COQ4: variants seen among roughly 807,000 people sequenced by gnomAD.
The protein encoded by COQ4 is coenzyme Q4.
COQ4 carries 36 observed loss-of-function variants against 30.2 expected under a neutral mutation model. The ratio of observed to expected loss-of-function variants is 1.19; its 90% CI spans 0.91 to 1.57. COQ4 has a LOEUF of 1.57. COQ4 is among the 40% of genes most tolerant of loss of function. The pLI is 0.00. For missense variants in COQ4, 369 were observed against 371.9 expected (o/e 0.99, Z 0.07); for synonymous variants, 197 against 161.0 (o/e 1.22, Z -1.69).
intron 5 of COQ4, 61 bp from the exon 6 acceptor site, chr9:128,332,789 A>G: frequency 8.2e-7 from 1 of 1,218,160 alleles, no homozygotes; most frequent in East Asian, 2.3e-5. Context: ...CCCTGCTGTG[A>G]GCACCACTGG....
At chr9:128,331,719 A>AT (rs1369906047) in intron 4 of COQ4, 33 of 152,180 alleles carry the variant, frequency 2.2e-4, no homozygotes, top group African/African-American at 6.7e-4. Flanking sequence ...TAATTTTTGT[A>AT]TTTTTTTTGT....
At chr9:128,323,309 G>C (rs2131462393) in intron 2 of COQ4, 162 bp downstream of exon 2, 1 of 667,078 alleles carries the variant, frequency 1.5e-6, no homozygotes. Context: ...TAAACGCACT[G>C]AATCTGAATC....
At chr9:128,323,453 A>G (rs1832253033) in intron 2 of COQ4, 6 of 479,344 alleles carry the variant, frequency 1.3e-5, no homozygotes. Context: ...ATCAGTTTAT[A>G]ATATCCTACT....
chr9:128,323,258 A>G (rs1000315946), intron 2 of COQ4, 111 bp downstream of exon 2: 3 of 1,059,100 alleles, frequency 2.8e-6, no homozygotes, highest in Non-Finnish European at 2.6e-6. Flanking sequence ...GCTCGTAACC[A>G]CTCGGAACGT....
intron 2 of COQ4, 93 bp from the exon 3 acceptor site, chr9:128,325,050 C>T (rs1832293858): frequency 1.2e-6 from 1 of 832,948 alleles, no homozygotes; most frequent in Non-Finnish European, 2.0e-6. Flanking sequence ...GACATCATCC[C>T]TAATTTATCC....
At chr9:128,323,306 ACTGAAT>A (rs1321342554) in intron 2 of COQ4, 159 bp downstream of exon 2, 7 of 726,552 alleles carry the variant, frequency 9.6e-6, no homozygotes, top group East Asian at 3.0e-5. Context: ...ACCTAAACGC[ACTGAAT>A]CTGAATCTGA....
chr9:128,323,279 G>A (rs889190775), intron 2 of COQ4, 132 bp downstream of exon 2: 12 of 896,552 alleles, frequency 1.3e-5, no homozygotes, highest in Non-Finnish European at 1.9e-5. Flanking sequence ...TTATGAAAAT[G>A]CAGATTCCTG....
intron 4 of COQ4, among the ~76,000 whole-genome samples, chr9:128,329,519 G>A (rs1263974586): frequency 5.3e-5 from 8 of 152,084 alleles, no homozygotes; most frequent in South Asian, 4.2e-4. Flanking sequence ...ACAGGCGCAC[G>A]CCACCAGGCC....
chr9:128,322,896 G>A lies in COQ4; in HGVS notation c.38G>A (p.Cys13Tyr). Residue 13 changes from cysteine to tyrosine, a missense_variant, in exon 1 of 7, where the codon TGC becomes TAC. Physicochemically the swap from Cys to Tyr is radical, Grantham distance 194 (BLOSUM62 -2). Coordinates refer to ENST00000300452, the MANE Select transcript of COQ4 (RefSeq NM_016035.5). ...TLLRPVLRRL[C>Y]GLPGLQRPAA... ...CTGCGCCCTGTCCTCCGTCGGCTCT[G>A]CGGGCTCCCGGGCCTACAGCGGCCT... The A allele has an allele frequency of 1.9e-6, 3 of 1,593,310 alleles. No individual in the cohort carries two copies. The highest frequency in any genetic ancestry group is 2.3e-5 in the East Asian group (1 of 44,180).
intron 2 of COQ4, chr9:128,323,604 GTT>G (rs1220855057): frequency 3.2e-5 from 12 of 372,172 alleles, no homozygotes. Context: ...GTTCTACAGT[GTT>G]TTTCTTATGC....
At chr9:128,332,672 T>C in intron 5 of COQ4, 178 bp from the exon 6 acceptor site, 1 of 630,462 alleles carries the variant, frequency 1.6e-6, no homozygotes, top group Non-Finnish European at 2.9e-6. Flanking sequence ...CTGTTCACTC[T>C]TGGGCTCTCT....
chr9:128,325,522 C>T (rs1045964723), intron 3 of COQ4, among the ~76,000 whole-genome samples: 1 of 152,132 alleles, frequency 6.6e-6, no homozygotes, highest in Non-Finnish European at 1.5e-5. Context: ...TTACCCCTCC[C>T]TTGCAGTACC....
At chr9:128,327,982 G>T (rs1832349348) in intron 4 of COQ4, among the ~76,000 whole-genome samples, 1 of 152,242 alleles carries the variant, frequency 6.6e-6, no homozygotes, top group Non-Finnish European at 1.5e-5. Flanking sequence ...GGTGGTCAGG[G>T]CCGGCTCCTC....
intron 2 of COQ4, chr9:128,323,681 TTATAGTGGCTCACGCC>T: frequency 4.3e-6 from 1 of 232,436 alleles, no homozygotes. Context: ...CTAGGCGCTA[TTATAGTGGCTCACGCC>T]TATAATCCCT....
Position 128,322,916 on chromosome 9 carries a change from C to T in COQ4, c.58C>T (p.Arg20Trp). 1.3e-6 allele frequency: 2 copies of T among 1,599,184 alleles called. No individual in the cohort carries two copies. The highest frequency in any genetic ancestry group is 1.7e-6 in the Non-Finnish European group (2 of 1,177,124). Residue 20 changes from arginine (R) to tryptophan (W), a missense_variant, in exon 1 of 7, where the codon CGG (arginine) becomes TGG (tryptophan). Arg to Trp is a moderately radical substitution (Grantham distance 101). Coordinates refer to ENST00000300452, the MANE Select transcript of COQ4 (RefSeq NM_016035.5). ...GCTCTGCGGGCTCCCGGGCCTACAG[C>T]GGCCTGCGGCAGGCAAGTGGCGCCG... ...RRLCGLPGLQ[R>W]PAAEMPLRAR...
intron 4 of COQ4, 122 bp downstream of exon 4, chr9:128,326,003 C>G: frequency 1.2e-6 from 1 of 861,054 alleles, no homozygotes; most frequent in Admixed American, 2.1e-5. Context: ...GCTCTTCAGG[C>G]TCATGCCAAG....
In COQ4 at chr9:128,329,141, T is replaced by A. The variant is rs533672713; in HGVS notation, c.403-3012T>A. 2.0e-5 allele frequency among the ~76,000 whole-genome samples: 3 copies of A among 152,286 alleles called. No individual in the cohort carries two copies. The South Asian group carries it at 6.2e-4, about 32-fold the overall frequency. ...AGCCTGAGTGAGAATCCTGGCTCTC[T>A]TCCCAGCTTTACAAGCCTGGACAAA... On this transcript the variant is annotated intron_variant, in intron 4 of 6. Transcript: ENST00000300452.
chr9:128,327,795 CTG>C (rs1480313916), intron 4 of COQ4, among the ~76,000 whole-genome samples: 2 of 152,176 alleles, frequency 1.3e-5, no homozygotes, highest in Non-Finnish European at 2.9e-5. Flanking sequence ...GAGCAAGACT[CTG>C]TCTCAAAAAT....
At chr9:128,333,029 G>T (rs1832441316) in intron 6 of COQ4, 86 bp downstream of exon 6, 1 of 946,648 alleles carries the variant, frequency 1.1e-6, no homozygotes, top group African/African-American at 1.6e-5. Flanking sequence ...GAAGTAGGAA[G>T]AGCACACGGG....
Sources: gnomAD v4.1 joint callset for allele counts (sites outside exome capture counted in the v4.1 genomes callset) on GRCh38, gnomAD v4.1.1 for gene constraint, MANE v1.5 for transcripts, NCBI Gene and HGNC (gene_info 2026-07-23, HGNC 2026-07-21) for gene names.